Variants in SLC19A1 observed in about 807,000 individuals in gnomAD.
SLC19A1 encodes the protein solute carrier family 19 member 1.
Under a neutral mutation model 35.3 loss-of-function variants are expected in SLC19A1, and 37 were observed. The ratio of observed to expected loss-of-function variants is 1.05; its 90% CI spans 0.81 to 1.38. The LOEUF is 1.38. Ranked by LOEUF, SLC19A1 falls within the 40% of genes most tolerant of loss-of-function variation. The pLI, the probability that SLC19A1 is intolerant of heterozygous loss-of-function variation, is 0.00. For synonymous variants in SLC19A1, 460 were observed against 398.5 expected, an observed-to-expected ratio of 1.15 and a Z score of -1.84; for missense variants, 831 against 826.9, an observed-to-expected ratio of 1.00 and a Z score of -0.06.
chr21:45,529,278 C>A (rs1252121169), intron 4 of SLC19A1, among the ~76,000 whole-genome samples: 1 of 152,188 alleles, frequency 6.6e-6, no homozygotes, highest in African/African-American at 2.4e-5. Context: ...AGGCAGGATG[C>A]TGCAGGGGTG....
At chr21:45,545,655 ACATACACATGACACAGAGATACAGAG>A (rs2146478240), upstream of SLC19A1, among the ~76,000 whole-genome samples, 1 of 149,330 alleles carries the variant, frequency 6.7e-6, no homozygotes, top group African/African-American at 2.6e-5. Context: ...AAACATACAG[ACATACACATGACACAGAGATACAGAG>A]ACATACACAT....
intron 2 of SLC19A1, chr21:45,536,064 AG>A: frequency 2.8e-6 from 1 of 356,876 alleles, no homozygotes; most frequent in Non-Finnish European, 4.0e-6. Context: ...CCCAGGAGGG[AG>A]GGCGTGATGA....
chr21:45,534,997 T>C lies in SLC19A1; in HGVS notation c.189+2774A>G, dbSNP rs1423082895. Among the ~76,000 whole-genome samples the C allele has an allele frequency of 2.0e-5, 3 of 152,354 alleles. No homozygotes were observed. The East Asian group carries it at 5.8e-4, about 29-fold the overall frequency. ...CCAGACGGCCTCAGGGCGGCTTCTC[T>C]GAACAGGGAGGCGGGAAGGTGGGCA... is the stretch of plus-strand genomic sequence containing the variant. On this transcript the variant is annotated intron_variant, in intron 2 of 5. Coordinates refer to ENST00000311124, the MANE Select transcript of SLC19A1 (RefSeq NM_194255.4). This position sits in a 1 kb window ranked among gnomAD's most constrained non-coding sequence, Gnocchi z 4.2.
At chr21:45,522,881 G>A (rs1409792485) in intron 5 of SLC19A1, among the ~76,000 whole-genome samples, 1 of 152,158 alleles carries the variant, frequency 6.6e-6, no homozygotes, top group African/African-American at 2.4e-5. Flanking sequence ...CAGCATGAGG[G>A]ATCCCTGTGG....
chr21:45,545,259 G>A (rs75217197), upstream of SLC19A1, among the ~76,000 whole-genome samples: 1 of 152,214 alleles, frequency 6.6e-6, no homozygotes, highest in South Asian at 2.1e-4. Flanking sequence ...GGCGGGAGGT[G>A]TTGGATCATG....
At chr21:45,539,205 G>T (rs1280361495) in intron 1 of SLC19A1, among the ~76,000 whole-genome samples, 1 of 152,204 alleles carries the variant, frequency 6.6e-6, no homozygotes, top group Non-Finnish European at 1.5e-5. Context: ...GTGAGGCCAG[G>T]ACCTGGCCCT....
chr21:45,542,721 C>G (rs2078352257), upstream of SLC19A1, among the ~76,000 whole-genome samples: 1 of 150,496 alleles, frequency 6.6e-6, no homozygotes, highest in Non-Finnish European at 1.5e-5. Context: ...CGTCAGCATC[C>G]TGGGGTGCCA....
At chr21:45,523,228 G>A (rs1001023739) in intron 5 of SLC19A1, among the ~76,000 whole-genome samples, 12 of 152,150 alleles carry the variant, frequency 7.9e-5, no homozygotes, top group African/African-American at 2.9e-4. Flanking sequence ...AACAGGCACG[G>A]GGGCAAGATG....
chr21:45,505,975 T>C (rs751825694), intron 3 of SLC19A1: 2 of 1,612,982 alleles, frequency 1.2e-6, no homozygotes, highest in South Asian at 2.2e-5. Flanking sequence ...AGGTGAGCGC[T>C]CTGTGTGACG....
rs1471806017 is a variant in SLC19A1, at chr21:45,537,673, G to A, written c.189+98C>T. On this transcript the variant is annotated intron_variant, in intron 2 of 5. Transcript: ENST00000311124. ...AGCTGCTCCCTGCCCACCCACTGGC[G>A]GCCGCCCCCGCATCCCGGCGCCCAC... 8.1e-6 allele frequency: 9 copies of A among 1,117,884 alleles called. No individual in the cohort carries two copies. In the East Asian group the frequency reaches 9.9e-5, roughly 12 times the overall value. 69.2% of individuals were successfully genotyped at this position (1,117,884 alleles called of 1,614,324 possible).
Position 45,531,871 on chromosome 21 carries a change from G to A in SLC19A1, c.467C>T (p.Ser156Leu), listed in dbSNP as rs1253660442. 1.3e-6 allele frequency: 2 copies of A among 1,585,804 alleles called. No individual in the cohort carries two copies. The highest frequency in any genetic ancestry group is 1.7e-6 in the Non-Finnish European group (2 of 1,166,832). The part of the protein sequence containing the change: ...PARYQRVAGY[S>L]RAAVLLGVFT... ...CACGCCCAGCAGCACCGCAGCGCGC[G>A]AGTAGCCGGCCACACGCTGGTAGCG... Residue 156 changes from serine to leucine, a missense_variant, in exon 3 of 6, where the codon TCG becomes TTG. Transcript: ENST00000311124.
intron 3 of SLC19A1, chr21:45,503,826 AG>A (rs2037016543): frequency 2.4e-6 from 1 of 421,862 alleles, no homozygotes; most frequent in South Asian, 6.3e-5. Flanking sequence ...AAAAATAAAA[AG>A]GCACCATTAA....
intron 3 of SLC19A1, chr21:45,504,537 G>C (rs202106628): frequency 1.3e-6 from 2 of 1,570,786 alleles, no homozygotes; most frequent in Admixed American, 1.8e-5. Flanking sequence ...CCAGGCCCAC[G>C]TGGCTACCCT....
intron 1 of SLC19A1, among the ~76,000 whole-genome samples, chr21:45,561,694 G>A (rs1055594630): frequency 1.1e-4 from 16 of 152,284 alleles, no homozygotes; most frequent in East Asian, 5.8e-4. Context: ...CCAGGAGGCG[G>A]AGGTTGTAGT....
At chr21:45,506,581 C>A (rs577244599) in intron 3 of SLC19A1, 10 of 179,478 alleles carry the variant, frequency 5.6e-5, no homozygotes, top group Non-Finnish European at 2.4e-5. Flanking sequence ...TGCAGGGCCC[C>A]GGGAAGGTTT....
intron 4 of SLC19A1, among the ~76,000 whole-genome samples, chr21:45,527,928 C>G (rs2077703314): frequency 1.4e-5 from 2 of 138,120 alleles, no homozygotes; most frequent in South Asian, 4.9e-4. Flanking sequence ...CAATTAAAAT[C>G]TGCAAAGTGC....
intron 1 of SLC19A1, among the ~76,000 whole-genome samples, chr21:45,557,013 G>A (rs1162740488): frequency 1.3e-5 from 2 of 152,196 alleles, no homozygotes; most frequent in Admixed American, 6.5e-5. Flanking sequence ...ACTCCGAGAG[G>A]CCTCTGGACA....
At chr21:45,547,046 C>T (rs1373431558), upstream of SLC19A1, among the ~76,000 whole-genome samples, 1 of 152,172 alleles carries the variant, frequency 6.6e-6, no homozygotes, top group Non-Finnish European at 1.5e-5. Context: ...TCATGAGATA[C>T]TAAGTCTATA....
chr21:45,528,935 C>T (rs2077746767), intron 4 of SLC19A1, among the ~76,000 whole-genome samples: 1 of 152,222 alleles, frequency 6.6e-6, no homozygotes, highest in Admixed American at 6.5e-5. Context: ...GATTTTTTTG[C>T]GATGGGCATC....
Sources: gnomAD v4.1 joint callset for allele counts (sites outside exome capture counted in the v4.1 genomes callset) on GRCh38, gnomAD v4.1.1 for gene constraint, Gnocchi (gnomAD v3.1) non-coding constraint, MANE v1.5 for transcripts, NCBI Gene and HGNC (gene_info 2026-07-23, HGNC 2026-07-21) for gene names.